CNBD1: variants seen among roughly 807,000 people sequenced by gnomAD.
CNBD1 encodes the protein cyclic nucleotide binding domain containing 1.
A neutral mutation model predicts 54.4 loss-of-function variants in CNBD1; 71 were observed. The ratio of observed to expected loss-of-function variants is 1.30; its 90% CI spans 1.08 to 1.59. The LOEUF is 1.59. Ranked by LOEUF, CNBD1 falls within the 40% of genes most tolerant of loss-of-function variation. CNBD1 has a pLI of 0.00. For synonymous variants in CNBD1, 182 were observed against 170.7 expected, an observed-to-expected ratio of 1.07 and a Z score of -0.51; for missense variants, 659 against 518.0, an observed-to-expected ratio of 1.27 and a Z score of -2.64.
chr8:87,391,261 TA>T (rs200634539), intron 2 of CNBD1, among the ~76,000 whole-genome samples: 46 of 151,588 alleles, frequency 3.0e-4, no homozygotes, highest in African/African-American at 9.7e-4. Flanking sequence ...AAATTTCAAA[TA>T]AAAAAAAGAT....
intron 4 of CNBD1, among the ~76,000 whole-genome samples, chr8:87,107,516 A>G (rs1811567218): frequency 6.6e-6 from 1 of 152,174 alleles, no homozygotes; most frequent in Non-Finnish European, 1.5e-5. Context: ...ATTAGTCTCT[A>G]TTTCAACATC....
chr8:87,002,526 C>T (rs545784316), intron 4 of CNBD1, among the ~76,000 whole-genome samples: 1 of 152,090 alleles, frequency 6.6e-6, no homozygotes, highest in South Asian at 2.1e-4. Flanking sequence ...GGTCTTCTTG[C>T]TGTTTCTCAA....
intron 8 of CNBD1, among the ~76,000 whole-genome samples, chr8:87,330,410 C>T (rs1263980882): frequency 6.6e-6 from 1 of 151,476 alleles, no homozygotes; most frequent in Non-Finnish European, 1.5e-5. Flanking sequence ...ATTTCTTCTT[C>T]CTTTCTTGAT....
chr8:87,077,750 T>C (rs1044539980), intron 4 of CNBD1, among the ~76,000 whole-genome samples: 1 of 151,956 alleles, frequency 6.6e-6, no homozygotes, highest in Non-Finnish European at 1.5e-5. Context: ...CATGAACTCA[T>C]CCTTTTTTAT....
intron 8 of CNBD1, among the ~76,000 whole-genome samples, chr8:87,308,723 A>G (rs1231104139): frequency 1.3e-5 from 2 of 152,064 alleles, no homozygotes; most frequent in East Asian, 3.9e-4. Context: ...GTACCCATTA[A>G]CCAGTCTCTC....
intron 4 of CNBD1, among the ~76,000 whole-genome samples, chr8:87,049,219 A>G (rs1810262464): frequency 6.6e-6 from 1 of 152,116 alleles, no homozygotes; most frequent in African/African-American, 2.4e-5. Flanking sequence ...CACCCTTCTC[A>G]TGTACTCTGC....
intron 2 of CNBD1, among the ~76,000 whole-genome samples, chr8:87,395,948 A>G (rs1255715110): frequency 1.3e-5 from 2 of 151,888 alleles, no homozygotes; most frequent in Non-Finnish European, 2.9e-5. Flanking sequence ...GTGAAGAATG[A>G]CATGTTTACT....
At chr8:87,266,906 T>A (rs1808270255) in intron 6 of CNBD1, among the ~76,000 whole-genome samples, 1 of 152,126 alleles carries the variant, frequency 6.6e-6, no homozygotes, top group African/African-American at 2.4e-5. Flanking sequence ...ATCACATGCC[T>A]AATGATGAAA....
chr8:86,935,131 G>A (rs1173216782), intron 3 of CNBD1, among the ~76,000 whole-genome samples: 1 of 152,076 alleles, frequency 6.6e-6, no homozygotes, highest in African/African-American at 2.4e-5. Context: ...CACCTCCTGG[G>A]TTCACACCAC....
intron 4 of CNBD1, among the ~76,000 whole-genome samples, chr8:86,998,129 C>T (rs1048026595): frequency 6.6e-6 from 1 of 151,874 alleles, no homozygotes; most frequent in African/African-American, 2.4e-5. Context: ...TAACCATTGC[C>T]CTTAAGGAAA....
rs114799614 is a variant in CNBD1, at chr8:87,350,442, G to A, written c.1043-1243G>A. Among the ~76,000 whole-genome samples, 776 of 151,972 alleles carry A rather than the reference G, an allele frequency of 5.1e-3. 6 individuals are homozygous for A. Among genetic ancestry groups the A allele is most frequent in the African/African-American group, 0.018 (734 of 41,540 alleles). On this transcript the variant is annotated intron_variant, in intron 8 of 10. Coordinates refer to ENST00000518476, the MANE Select transcript of CNBD1 (RefSeq NM_173538.3). ...TGAATCCCACTTCATTTATCTTGAA[G>A]TACTTATTCCATTGTATGTTGATGT... is the stretch of plus-strand genomic sequence containing the variant.
At chr8:87,324,177 T>C (rs1809610125) in intron 8 of CNBD1, among the ~76,000 whole-genome samples, 1 of 125,304 alleles carries the variant, frequency 8.0e-6, no homozygotes, top group African/African-American at 3.0e-5. Context: ...TGGATAAGCT[T>C]TTTGATGTGC....
intron 4 of CNBD1, among the ~76,000 whole-genome samples, chr8:87,021,622 C>G (rs1348791121): frequency 6.6e-6 from 1 of 152,176 alleles, no homozygotes; most frequent in African/African-American, 2.4e-5. Context: ...CCTGGAGACA[C>G]TTTTTCTTGT....
At chr8:86,984,675 G>A (rs1479703272) in intron 4 of CNBD1, among the ~76,000 whole-genome samples, 2 of 152,134 alleles carry the variant, frequency 1.3e-5, no homozygotes, top group African/African-American at 2.4e-5. Context: ...TGCCCCACTG[G>A]ACTTTGGACT....
chr8:87,091,874 CAT>C (rs1328425523), intron 4 of CNBD1, among the ~76,000 whole-genome samples: 5 of 151,932 alleles, frequency 3.3e-5, no homozygotes, highest in Non-Finnish European at 1.5e-5. Flanking sequence ...ATATATAGGA[CAT>C]GTGTGTCTAT....
intron 8 of CNBD1, among the ~76,000 whole-genome samples, chr8:87,348,439 G>A (rs1166740918): frequency 6.6e-6 from 1 of 152,032 alleles, no homozygotes; most frequent in Non-Finnish European, 1.5e-5. Context: ...TATTTGGAAG[G>A]AGAATATATT....
chr8:86,908,465 C>T (rs980200791), intron 3 of CNBD1, among the ~76,000 whole-genome samples: 1 of 152,164 alleles, frequency 6.6e-6, no homozygotes, highest in South Asian at 2.1e-4. Context: ...AGTCTGTTAA[C>T]TCACACTCAG....
At chr8:87,095,905 G>C (rs746415015) in intron 4 of CNBD1, among the ~76,000 whole-genome samples, 1 of 152,152 alleles carries the variant, frequency 6.6e-6, no homozygotes, top group Non-Finnish European at 1.5e-5. Flanking sequence ...TGATCTGCCC[G>C]CCTTGGCCTC....
At chr8:86,951,341 C>A (rs1377921511) in intron 4 of CNBD1, among the ~76,000 whole-genome samples, 2 of 151,726 alleles carry the variant, frequency 1.3e-5, no homozygotes, top group African/African-American at 4.8e-5. Flanking sequence ...GTAATCCCAG[C>A]ACTTTGGGAG....
Sources: gnomAD v4.1 joint callset for allele counts (sites outside exome capture counted in the v4.1 genomes callset) on GRCh38, gnomAD v4.1.1 for gene constraint, MANE v1.5 for transcripts, NCBI Gene and HGNC (gene_info 2026-07-23, HGNC 2026-07-21) for gene names.